BCAT1: variants seen among roughly 807,000 people sequenced by gnomAD.
The protein encoded by BCAT1 is branched-chain-amino-acid aminotransferase, cytosolic.
Under a neutral mutation model 52.4 loss-of-function variants are expected in BCAT1, and 48 were observed. The observed-to-expected ratio is 0.92, with a 90% confidence interval of 0.73 to 1.16. BCAT1 has a LOEUF of 1.16. BCAT1 is among the 50% of genes most tolerant of loss of function. The probability of loss-of-function intolerance (pLI) is 0.00; values close to 1 mark genes in which losing one functional copy is unlikely to be tolerated. For missense variants in BCAT1, 451 were observed against 457.1 expected, an observed-to-expected ratio of 0.99 and a Z score of 0.12; for synonymous variants, 167 against 161.3, an observed-to-expected ratio of 1.04 and a Z score of -0.27.
intron 3 of BCAT1, among the ~76,000 whole-genome samples, chr12:24,890,047 C>T (rs892828698): frequency 1.3e-5 from 2 of 152,162 alleles, no homozygotes; most frequent in Non-Finnish European, 2.9e-5. Flanking sequence ...CCCTACACAT[C>T]GCTTCATCTA....
chr12:24,914,308 C>T (rs1024308821), intron 1 of BCAT1, among the ~76,000 whole-genome samples: 1 of 152,088 alleles, frequency 6.6e-6, no homozygotes, highest in African/African-American at 2.4e-5. Flanking sequence ...GTCTCGAACT[C>T]CTGAGCTCAA....
intron 4 of BCAT1, among the ~76,000 whole-genome samples, 158 bp from the exon 5 acceptor site, chr12:24,878,807 TTTTA>T (rs1942417800): frequency 6.6e-6 from 1 of 152,242 alleles, no homozygotes; most frequent in Admixed American, 6.5e-5. Flanking sequence ...TTATCCTAAT[TTTTA>T]TTTATTTCTT....
At chr12:24,877,338 T>C (rs1942376177) in intron 5 of BCAT1, among the ~76,000 whole-genome samples, 1 of 152,144 alleles carries the variant, frequency 6.6e-6, no homozygotes, top group Non-Finnish European at 1.5e-5. Flanking sequence ...TTCCATCAAT[T>C]ATCCCTCAAT....
chr12:24,865,649 A>T (rs902211553), intron 5 of BCAT1, among the ~76,000 whole-genome samples: 2 of 152,128 alleles, frequency 1.3e-5, no homozygotes, highest in African/African-American at 4.8e-5. Context: ...TGATACATAT[A>T]CATGTTATAA....
chr12:24,948,782 GAAGA>G, intron 1 of BCAT1, 141 bp downstream of exon 1: 2 of 882,324 alleles, frequency 2.3e-6, no homozygotes, highest in Non-Finnish European at 3.6e-6. Context: ...GATTGATAAA[GAAGA>G]TACTGAGACG....
intron 5 of BCAT1, among the ~76,000 whole-genome samples, chr12:24,858,366 T>C (rs1348319167): frequency 6.6e-6 from 1 of 152,196 alleles, no homozygotes; most frequent in Non-Finnish European, 1.5e-5. Context: ...TTAATAATCT[T>C]TGGGAAATAA....
At chr12:24,830,860 A>G (rs1055318442) in intron 9 of BCAT1, 3 of 152,240 alleles carry the variant, frequency 2.0e-5, no homozygotes, top group Admixed American at 2.0e-4. Context: ...AATTATGTCA[A>G]GAGCAATCCC....
Position 24,845,219 on chromosome 12 carries a change from C to CAA in BCAT1, c.675-2997_675-2996dup, listed in dbSNP as rs567739313. Reference sequence around the variant, plus strand: ...ACAGAGCGAGACTGTCCCCTCCCAGCAAAAAAAAAAAAAGAGCCATTAAAA... The same window carrying CAA: ...ACAGAGCGAGACTGTCCCCTCCCAGCAAAAAAAAAAAAAAAGAGCCATTAAAA... On this transcript the variant is annotated intron_variant, in intron 6 of 10. Coordinates refer to ENST00000261192, the MANE Select transcript of BCAT1 (RefSeq NM_005504.7). Among the ~76,000 whole-genome samples, 67 of 109,910 alleles carry CAA rather than the reference C, an allele frequency of 6.1e-4. 1 individual carries two copies. Among genetic ancestry groups the CAA allele is most frequent in the African/African-American group, 1.6e-3 (46 of 28,424 alleles). The allele number at this position is 109,910 out of a possible 152,430, so 72.1% of individuals were successfully genotyped here. A position where few individuals can be genotyped will look rare whatever the true frequency, so the allele number is the denominator to read the frequency against.
intron 1 of BCAT1, among the ~76,000 whole-genome samples, chr12:24,904,850 T>G (rs1288722019): frequency 1.3e-5 from 2 of 152,148 alleles, no homozygotes; most frequent in African/African-American, 2.4e-5. Flanking sequence ...GTTAATTGTG[T>G]TAGAAAGTGT....
chr12:24,869,288 G>A (rs1363652503), intron 5 of BCAT1, among the ~76,000 whole-genome samples: 1 of 152,182 alleles, frequency 6.6e-6, no homozygotes, highest in Non-Finnish European at 1.5e-5. Flanking sequence ...ACACTGGGAG[G>A]AGTGCACACT....
At chr12:24,824,283 C>A (rs1940289850) in intron 10 of BCAT1, among the ~76,000 whole-genome samples, 2 of 148,878 alleles carry the variant, frequency 1.3e-5, no homozygotes, top group Non-Finnish European at 3.0e-5. Flanking sequence ...TCCCTCCCTC[C>A]CTCCCTCCCT....
At chr12:24,818,828 T>C (rs1385421473) in intron 10 of BCAT1, among the ~76,000 whole-genome samples, 2 of 152,202 alleles carry the variant, frequency 1.3e-5, no homozygotes, top group Non-Finnish European at 2.9e-5. Flanking sequence ...GAAATAGAGA[T>C]ATTCCATACA....
chr12:24,898,677 G>A (rs557223927), intron 2 of BCAT1, among the ~76,000 whole-genome samples: 18 of 151,862 alleles, frequency 1.2e-4, no homozygotes, highest in African/African-American at 4.1e-4. Context: ...CATCGCACCT[G>A]GCTAATTTTT....
chr12:24,935,701 A>G (rs1943742268), intron 1 of BCAT1, among the ~76,000 whole-genome samples: 1 of 152,230 alleles, frequency 6.6e-6, no homozygotes, highest in African/African-American at 2.4e-5. Flanking sequence ...TAAAACAGCA[A>G]GAGAAAACCA....
At chr12:24,898,950 C>T (rs1236181802) in intron 2 of BCAT1, among the ~76,000 whole-genome samples, 1 of 152,212 alleles carries the variant, frequency 6.6e-6, no homozygotes, top group Non-Finnish European at 1.5e-5. Flanking sequence ...GTGCATTATT[C>T]TTACTCCATT....
At position 24,816,397 on chromosome 12, in the gene BCAT1, C is replaced by A. The variant is rs1939876593; in HGVS notation, c.*1611G>T. ...TTGACCTTCCAAGGAAAAATGTTTT[C>A]TGTCAAGATTTGACTTTCCTTAGAT... On this transcript the variant is annotated 3_prime_UTR_variant, in exon 11 of 11. Transcript: ENST00000261192. 2 of 396,962 alleles carry A rather than the reference C, an allele frequency of 5.0e-6. No individual in the cohort carries two copies. The highest frequency in any genetic ancestry group is 8.9e-6 in the Non-Finnish European group (2 of 225,312). The allele number at this position is 396,962 out of a possible 1,614,324, so 24.6% of individuals were successfully genotyped here. A position where few individuals can be genotyped will look rare whatever the true frequency, so the allele number is the denominator to read the frequency against.
intron 6 of BCAT1, among the ~76,000 whole-genome samples, chr12:24,843,538 A>G (rs11047677): frequency 0.44 from 66,393 of 151,964 alleles, 14,829 homozygotes; most frequent in East Asian, 0.63. Context: ...GGGAGGCAAA[A>G]GTTGCAGTGA....
intron 5 of BCAT1, among the ~76,000 whole-genome samples, chr12:24,870,354 G>C (rs1440993325): frequency 1.3e-5 from 2 of 152,136 alleles, no homozygotes; most frequent in Admixed American, 1.3e-4. Context: ...ATATAGTTGA[G>C]AGCAAGAAAG....
chr12:24,821,362 C>T (rs1762527129), intron 10 of BCAT1, among the ~76,000 whole-genome samples: 1 of 152,082 alleles, frequency 6.6e-6, no homozygotes. Flanking sequence ...TCTTTGCAGT[C>T]GCTGCTTCCC....
Sources: allele counts gnomAD v4.1 joint callset (sites outside exome capture counted in the v4.1 genomes callset), GRCh38; gene constraint gnomAD v4.1.1; transcripts MANE v1.5; gene names NCBI Gene and HGNC (gene_info 2026-07-23, HGNC 2026-07-21).